COL6A2: variants seen among roughly 807,000 people sequenced by gnomAD.
COL6A2 encodes collagen alpha-2(VI) chain.
A neutral mutation model predicts 124.9 loss-of-function variants in COL6A2; 90 were observed. The ratio of observed to expected loss-of-function variants is 0.72; its 90% CI spans 0.61 to 0.86. The LOEUF is 0.86. COL6A2 is among the 40% of genes least tolerant of loss of function. The pLI is 0.00. For synonymous variants in COL6A2, 793 were observed against 618.2 expected (o/e 1.28, Z -4.19); for missense variants, 1,607 against 1,502.5 (o/e 1.07, Z -1.15).
chr21:46,130,030 G>C (rs1274505801), intron 27 of COL6A2, among the ~76,000 whole-genome samples: 1 of 152,212 alleles, frequency 6.6e-6, no homozygotes, highest in Admixed American at 6.5e-5. Flanking sequence ...CTGGGTGTGG[G>C]CACTAATCCC....
At chr21:46,131,732 G>A (rs1002293752) in intron 27 of COL6A2, among the ~76,000 whole-genome samples, 1 of 152,204 alleles carries the variant, frequency 6.6e-6, no homozygotes, top group Non-Finnish European at 1.5e-5. Context: ...TCAGGCCTGG[G>A]AGCACCAGCA....
chr21:46,118,129 C>A (rs952093249), intron 12 of COL6A2, among the ~76,000 whole-genome samples, 193 bp downstream of exon 12: 1 of 152,024 alleles, frequency 6.6e-6, no homozygotes. Flanking sequence ...AGGGCTTGGG[C>A]GGCCCCGCCG....
intron 13 of COL6A2, 85 bp downstream of exon 13, chr21:46,118,761 C>G: frequency 2.1e-6 from 3 of 1,462,378 alleles, no homozygotes; most frequent in Non-Finnish European, 2.8e-6. Context: ...TGGCCACCAT[C>G]TCTGCTGTCA....
chr21:46,098,881 C>T (rs2078256122), intron 1 of COL6A2: 1 of 152,280 alleles, frequency 6.6e-6, no homozygotes, highest in African/African-American at 2.4e-5. Flanking sequence ...GGGACTCCGC[C>T]GGGGCGCTGG....
rs1191703605 is a variant in COL6A2, at chr21:46,126,191, G to A, written c.2376G>A (p.Leu792=). 6.2e-7 allele frequency: 1 copy of A among 1,604,570 alleles called. No individual in the cohort carries two copies. Among genetic ancestry groups the A allele is most frequent in the South Asian group, 1.1e-5 (1 of 91,070 alleles). Residue 792 remains leucine (L), a synonymous_variant, in exon 26 of 28, where the codon CTG becomes CTA. Transcript: ENST00000300527. ...QVRNMTLFSD[L]VAEKFIDDME... is the part of the protein sequence containing the mutation. ...GCAACATGACGCTGTTCTCCGACCTGGTCGCTGAGAAGTTCATCGATGACA... is the reference window on the plus strand; with the variant it reads ...GCAACATGACGCTGTTCTCCGACCTAGTCGCTGAGAAGTTCATCGATGACA...
In COL6A2 at chr21:46,132,578, A is replaced by G. The variant is rs1291309564; in HGVS notation, c.*26A>G. ...CGCCGCCGCCCGGGCCCCGCAGTCG[A>G]GGGTCGTGAGCCCACCCCGTCCATG... On this transcript the variant is annotated 3_prime_UTR_variant, in exon 28 of 28. Transcript: ENST00000300527. 1 of 1,564,364 alleles carries G rather than the reference A, an allele frequency of 6.4e-7. No homozygotes were observed. Among genetic ancestry groups the G allele is most frequent in the Non-Finnish European group, 8.6e-7 (1 of 1,160,428 alleles).
intron 23 of COL6A2, 139 bp downstream of exon 23, chr21:46,125,059 C>T: frequency 1.6e-6 from 2 of 1,241,352 alleles, no homozygotes; most frequent in East Asian, 2.4e-5. Flanking sequence ...GGTCAGAGAG[C>T]AAGCTTGGTT....
chr21:46,122,569 T>TG (rs779359651), intron 20 of COL6A2, 38 bp downstream of exon 20: 3 of 1,609,898 alleles, frequency 1.9e-6, no homozygotes, highest in East Asian at 2.2e-5. Flanking sequence ...CCACCCAGGG[T>TG]GGGGGTCTGC....
rs148200218 is a variant in COL6A2 at position 46,121,993 on chromosome 21, G to T, written c.1522-115G>T. The T allele has an allele frequency of 3.9e-5, 44 of 1,115,124 alleles. 1 individual carries two copies. The African/African-American group carries it at 6.0e-4, about 15-fold the overall frequency. 69.1% of individuals were successfully genotyped at this position (1,115,124 alleles called of 1,614,324 possible). On this transcript the variant is annotated intron_variant, in intron 18 of 27. Coordinates refer to ENST00000300527, the MANE Select transcript of COL6A2 (RefSeq NM_001849.4). ...AGGCCTCTGCTCACAGCCAGAACTC[G>T]ACGGCACCCCTAGCCCACTTCCACC...
At chr21:46,121,657 G>A (rs765988188) in intron 18 of COL6A2, 39 bp downstream of exon 18, 52 of 1,604,716 alleles carry the variant, frequency 3.2e-5, no homozygotes, top group African/African-American at 2.9e-4. Flanking sequence ...TTAGGGGTTC[G>A]GGGCAGCTGC....
rs140020002 is a variant in COL6A2 at position 46,132,430 on chromosome 21, G to A, written c.2938G>A (p.Val980Met). The A allele has an allele frequency of 3.7e-5, 59 of 1,607,006 alleles. 1 individual carries two copies. The highest frequency in any genetic ancestry group is 2.1e-4 in the African/African-American group (16 of 74,964). The change falls in exon 28 of 28, where the codon GTG (valine) becomes ATG (methionine). Residue 980 changes from valine (V) to methionine (M), a missense_variant. Around this residue, in one of 3 missense-constraint regions of COL6A2, gnomAD observed 1,223 missense variants for 1,052.2 expected, o/e 1.16. Coordinates refer to ENST00000300527, the MANE Select transcript of COL6A2 (RefSeq NM_001849.4). The part of the protein sequence containing the change: ...VPTVLALGSD[V>M]DMDVLTTLSL... The stretch of plus-strand genomic sequence containing the variant: ...CACCGTGCTGGCCTTGGGCAGCGAC[G>A]TGGACATGGACGTGCTCACCACGCT...
intron 1 of COL6A2, among the ~76,000 whole-genome samples, chr21:46,109,285 C>T (rs975759879): frequency 1.3e-5 from 2 of 152,206 alleles, no homozygotes; most frequent in East Asian, 1.9e-4. Flanking sequence ...CTCCTCTCTG[C>T]AGCTGGTCGT....
intron 1 of COL6A2, among the ~76,000 whole-genome samples, chr21:46,101,847 A>ATTTTTTT (rs56083556): frequency 1.4e-5 from 1 of 71,506 alleles, no homozygotes; most frequent in Non-Finnish European, 2.5e-5. Flanking sequence ...ATCTTTCACG[A>ATTTTTTT]TTTTTTTTTT....
chr21:46,129,344 G>T, intron 27 of COL6A2: 1 of 1,612,950 alleles, frequency 6.2e-7, no homozygotes, highest in Non-Finnish European at 8.5e-7. Context: ...ACTCCCAGCT[G>T]GTGGCCGTGC....
chr21:46,132,550 T>G lies in COL6A2; in HGVS notation c.3058T>G (p.Ter1020GluextTer85), dbSNP rs886044576. ...FFDRFIRWIC[*>E] is the part of the protein sequence containing the mutation. ...CGACCGCTTCATCCGCTGGATCTGC[T>G]AGCGCCGCCGCCCGGGCCCCGCAGT... Residue 1020 changes from the stop codon to glutamate (E), a stop_lost, in exon 28 of 28, where the codon TAG becomes GAG. Transcript: ENST00000300527. 1.3e-6 allele frequency: 2 copies of G among 1,596,504 alleles called. No homozygotes were observed. Among genetic ancestry groups the G allele is most frequent in the Non-Finnish European group, 1.7e-6 (2 of 1,176,182 alleles).
rs543667191 is a variant in COL6A2, at chr21:46,116,245, G to A, written c.901-132G>A. 63 of 1,223,070 alleles carry A rather than the reference G, an allele frequency of 5.2e-5. No individual in the cohort carries two copies. The highest frequency in any genetic ancestry group is 1.9e-4 in the Middle Eastern group (1 of 5,354). The allele number at this position is 1,223,070 out of a possible 1,614,324, so 75.8% of individuals were successfully genotyped here. On this transcript the variant is annotated intron_variant, in intron 7 of 27. Transcript: ENST00000300527. This position sits in a 1 kb window ranked among gnomAD's most constrained non-coding sequence, Gnocchi z 4.6. ...CCCGACCCAGGGCTCAGCCTCCTCC[G>A]CAGACTGTTTGTCGAGAACACTAGA...
Position 46,122,483 on chromosome 21 carries a change from G to GTT in COL6A2, c.1573-11_1573-10dup. ...CTGAGGCTGAGTCACCCTGGCTTCT[G>GTT]TTTGCTTCACAGGGAGAAAAAGGCG... On this transcript the variant is annotated splice_polypyrimidine_tract_variant and intron_variant, in intron 19 of 27. Transcript: ENST00000300527. 6.2e-7 allele frequency: 1 copy of GTT among 1,612,870 alleles called. No homozygotes were observed. Among genetic ancestry groups the GTT allele is most frequent in the Non-Finnish European group, 8.5e-7 (1 of 1,179,984 alleles).
chr21:46,110,050 T>C (rs901447578), intron 1 of COL6A2, among the ~76,000 whole-genome samples: 10 of 152,314 alleles, frequency 6.6e-5, no homozygotes, highest in Admixed American at 5.9e-4. Context: ...CCGTGGAGCA[T>C]GGTACCTGGC....
rs1313764962 is a variant in COL6A2 at position 46,123,959 on chromosome 21, A to T, written c.1672-692A>T. Among the ~76,000 whole-genome samples the T allele has an allele frequency of 8.6e-5, 12 of 139,848 alleles. No homozygotes were observed. The South Asian group carries it at 2.0e-3, about 23-fold the overall frequency. The allele number at this position is 139,848 out of a possible 152,430, so 91.7% of individuals were successfully genotyped here. On this transcript the variant is annotated intron_variant, in intron 21 of 27. Coordinates refer to ENST00000300527, the MANE Select transcript of COL6A2 (RefSeq NM_001849.4). ...GTAGGTGATGGGTGGATGAGTGGAT[A>T]GATGGGTATGTGAGTGAGTGGGGGG...
Sources: allele counts gnomAD v4.1 joint callset (sites outside exome capture counted in the v4.1 genomes callset), GRCh38; gene constraint gnomAD v4.1.1; regional missense constraint gnomAD v4.1.1; non-coding constraint Gnocchi (gnomAD v3.1); transcripts MANE v1.5; gene names NCBI Gene and HGNC (gene_info 2026-07-23, HGNC 2026-07-21).